Variants in DNAJC7 observed in about 807,000 individuals in gnomAD.
DNAJC7 encodes dnaJ homolog subfamily C member 7.
A neutral mutation model predicts 67.4 loss-of-function variants in DNAJC7; 18 were observed. The observed-to-expected ratio is 0.27, with a 90% CI of 0.18 to 0.40. The LOEUF (loss-of-function observed/expected upper bound fraction) is 0.40. Ranked by LOEUF, DNAJC7 falls within the 10% of genes least tolerant of loss-of-function variation. DNAJC7 has a pLI of 1.00. For missense variants in DNAJC7, 419 were observed against 613.8 expected (o/e 0.68, Z 3.35); for synonymous variants, 220 against 207.8 (o/e 1.06, Z -0.50).
intron 2 of DNAJC7, among the ~76,000 whole-genome samples, chr17:41,998,453 C>T (rs2051719158): frequency 6.6e-6 from 1 of 152,170 alleles, no homozygotes; most frequent in South Asian, 2.1e-4. Flanking sequence ...GCCTGGGTGA[C>T]AGTGACACTG....
intron 9 of DNAJC7, among the ~76,000 whole-genome samples, chr17:41,986,643 T>A (rs2051389800): frequency 6.6e-6 from 1 of 152,054 alleles, no homozygotes; most frequent in Non-Finnish European, 1.5e-5. Flanking sequence ...GGGTGCTTTT[T>A]TTGTCTTCCA....
intron 1 of DNAJC7, among the ~76,000 whole-genome samples, chr17:42,012,612 G>GC (rs1441342365): frequency 6.6e-6 from 1 of 152,198 alleles, no homozygotes; most frequent in African/African-American, 2.4e-5. Context: ...CCCATATTAG[G>GC]TAAAGCAGTC....
chr17:41,982,748 CAGG>C (rs2051282495), intron 10 of DNAJC7, among the ~76,000 whole-genome samples: 1 of 152,178 alleles, frequency 6.6e-6, no homozygotes, highest in African/African-American at 2.4e-5. Context: ...CACCCGAGGT[CAGG>C]AGTTCGGGAC....
In DNAJC7 at chr17:42,000,516, G is replaced by A; in HGVS notation, c.132C>T (p.Tyr44=). The A allele has an allele frequency of 5.6e-6, 9 of 1,611,672 alleles. No homozygotes were observed. Among genetic ancestry groups the A allele is most frequent in the East Asian group, 2.2e-5 (1 of 44,768 alleles). Reference sequence around the variant, plus strand: ...TTGTATAATAATTATAAGCTTCATTGTAATCTTTCTTGGCATAGTATGCAT... The same window carrying A: ...TTGTATAATAATTATAAGCTTCATTATAATCTTTCTTGGCATAGTATGCAT... The part of the protein sequence containing the change: ...QGNAYYAKKD[Y]NEAYNYYTKA... The change falls in exon 2 of 14, where the codon TAC becomes TAT. Residue 44 remains tyrosine, a synonymous_variant. Coordinates refer to ENST00000457167, the MANE Select transcript of DNAJC7 (RefSeq NM_003315.4).
At chr17:41,983,474 C>T in intron 10 of DNAJC7, 89 bp downstream of exon 10, 1 of 1,205,834 alleles carries the variant, frequency 8.3e-7, no homozygotes, top group Non-Finnish European at 1.2e-6. Flanking sequence ...AGGTAGATCC[C>T]TGATCCCTGA....
intron 4 of DNAJC7, among the ~76,000 whole-genome samples, chr17:41,995,747 G>A (rs1555648519): frequency 6.6e-6 from 1 of 152,202 alleles, no homozygotes; most frequent in Non-Finnish European, 1.5e-5. Context: ...ACTATATATG[G>A]AGATGGAACT....
chr17:42,001,582 A>G (rs1168998374), intron 1 of DNAJC7, among the ~76,000 whole-genome samples: 1 of 152,204 alleles, frequency 6.6e-6, no homozygotes, highest in Non-Finnish European at 1.5e-5. Flanking sequence ...CTGCAACATT[A>G]ACTAAGTACC....
chr17:42,003,950 A>ATTTTTTTTTTTT (rs10631965), intron 1 of DNAJC7, among the ~76,000 whole-genome samples: 2 of 94,324 alleles, frequency 2.1e-5, no homozygotes, highest in Non-Finnish European at 2.0e-5. Flanking sequence ...AAGATTTTCA[A>ATTTTTTTTTTTT]TTTTTTTTTT....
chr17:41,996,472 G>A, intron 3 of DNAJC7, 48 bp from the exon 4 acceptor site: 2 of 1,560,782 alleles, frequency 1.3e-6, no homozygotes, highest in Non-Finnish European at 1.7e-6. Context: ...TGGCCAAGTG[G>A]AAAGAAATCA....
At chr17:41,982,959 TAAA>T (rs1317041576) in intron 10 of DNAJC7, among the ~76,000 whole-genome samples, 1 of 130,648 alleles carries the variant, frequency 7.7e-6, no homozygotes. Context: ...GACTCCATCT[TAAA>T]AAAAAAAAAA....
intron 12 of DNAJC7, among the ~76,000 whole-genome samples, chr17:41,980,753 T>C (rs1049655846): frequency 2.0e-5 from 3 of 152,208 alleles, no homozygotes; most frequent in Non-Finnish European, 2.9e-5. Flanking sequence ...ATATTGACAA[T>C]AGGTGTGCTT....
intron 5 of DNAJC7, among the ~76,000 whole-genome samples, chr17:41,990,929 C>T (rs937790541): frequency 6.6e-6 from 1 of 152,122 alleles, no homozygotes; most frequent in Non-Finnish European, 1.5e-5. Flanking sequence ...TCCCGAAGTG[C>T]TAGGATTACA....
Position 41,976,515 on chromosome 17 carries a change from G to C in DNAJC7, c.*218C>G. The C allele has an allele frequency of 1.9e-6, 1 of 520,360 alleles. No homozygotes were observed. Among genetic ancestry groups the C allele is most frequent in the East Asian group, 3.6e-5 (1 of 28,096 alleles). 32.2% of individuals were successfully genotyped at this position (520,360 alleles called of 1,614,324 possible). On this transcript the variant is annotated 3_prime_UTR_variant, in exon 14 of 14. Coordinates refer to ENST00000457167, the MANE Select transcript of DNAJC7 (RefSeq NM_003315.4). ...ACAGTAAAACAAAAATTCACAAGCT[G>C]CCTCCCTGTCCACCCCCGCCTCCCT...
At chr17:42,009,440 T>C (rs1555650802) in intron 1 of DNAJC7, among the ~76,000 whole-genome samples, 1 of 152,230 alleles carries the variant, frequency 6.6e-6, no homozygotes, top group Non-Finnish European at 1.5e-5. Flanking sequence ...CAGCTGGCTA[T>C]GCCTTATTCA....
intron 1 of DNAJC7, among the ~76,000 whole-genome samples, chr17:42,002,312 T>G (rs370131456): frequency 6.6e-6 from 1 of 152,288 alleles, no homozygotes; most frequent in South Asian, 2.1e-4. Context: ...GCTAAGAATA[T>G]ACAAATCTTT....
At chr17:41,996,620 A>G (rs1334344472) in intron 3 of DNAJC7, among the ~76,000 whole-genome samples, 196 bp from the exon 4 acceptor site, 3 of 152,210 alleles carry the variant, frequency 2.0e-5, no homozygotes, top group Non-Finnish European at 4.4e-5. Flanking sequence ...AGCCTGGCCA[A>G]CATGACAAAA....
chr17:42,007,838 CTTTTTT>C (rs140104313), intron 1 of DNAJC7, among the ~76,000 whole-genome samples: 6 of 44,530 alleles, frequency 1.3e-4, no homozygotes, highest in African/African-American at 3.1e-4. Context: ...AAAAAACTGC[CTTTTTT>C]TTTTTTTTTT....
intron 5 of DNAJC7, among the ~76,000 whole-genome samples, chr17:41,991,368 A>G (rs1225517731): frequency 6.6e-6 from 1 of 152,194 alleles, no homozygotes; most frequent in Non-Finnish European, 1.5e-5. Context: ...TAACATGGAC[A>G]TTCATATAAT....
chr17:42,000,673 T>TG, intron 1 of DNAJC7, 103 bp from the exon 2 acceptor site: 1 of 766,694 alleles, frequency 1.3e-6, no homozygotes, highest in Admixed American at 2.8e-5. Context: ...CACACTGAGC[T>TG]GAAAGTTAGT....
Sources: gnomAD v4.1 joint callset for allele counts (sites outside exome capture counted in the v4.1 genomes callset) on GRCh38, gnomAD v4.1.1 for gene constraint, MANE v1.5 for transcripts, NCBI Gene and HGNC (gene_info 2026-07-23, HGNC 2026-07-21) for gene names.